Variants in ADAM12 observed in about 807,000 individuals in gnomAD.
The protein encoded by ADAM12 is disintegrin and metalloproteinase domain-containing protein 12.
A neutral mutation model predicts 106.4 loss-of-function variants in ADAM12; 70 were observed. That is an observed-to-expected ratio of 0.66 (90% CI 0.54 to 0.80). The LOEUF (loss-of-function observed/expected upper bound fraction) is 0.80, where lower values mean the gene tolerates loss of function less well. Among genes scored for constraint, ADAM12 ranks in the 30% least tolerant of loss-of-function variants. The probability of loss-of-function intolerance (pLI) is 0.00; values close to 1 mark genes in which losing one functional copy is unlikely to be tolerated. For synonymous variants in ADAM12, 420 were observed against 433.5 expected (o/e 0.97, Z 0.39); for missense variants, 1,010 against 1,171.9 (o/e 0.86, Z 2.02).
At chr10:126,264,882 C>T (rs11244923) in intron 3 of ADAM12, among the ~76,000 whole-genome samples, 5,681 of 152,212 alleles carry the variant, frequency 0.037, 195 homozygotes, top group African/African-American at 0.077. Flanking sequence ...CATCTACCTC[C>T]GTGCCAGATG....
At chr10:126,071,431 G>A (rs773186607) in intron 12 of ADAM12, 46 bp downstream of exon 12, 20 of 1,585,834 alleles carry the variant, frequency 1.3e-5, no homozygotes, top group South Asian at 3.4e-5. Flanking sequence ...TTGCCTAGCC[G>A]AGGATACAAG....
intron 1 of ADAM12, among the ~76,000 whole-genome samples, chr10:126,378,497 G>A (rs1490246482): frequency 6.6e-6 from 1 of 152,108 alleles, no homozygotes; most frequent in Non-Finnish European, 1.5e-5. Context: ...GTTGCAGAAG[G>A]TTGTCATATA....
chr10:126,285,007 CTG>C (rs1959782718), intron 2 of ADAM12, among the ~76,000 whole-genome samples: 1 of 152,178 alleles, frequency 6.6e-6, no homozygotes, highest in Non-Finnish European at 1.5e-5. Flanking sequence ...AGATTGGAGA[CTG>C]TGCAGGCCAA....
chr10:126,068,199 T>A lies in ADAM12; in HGVS notation c.1324-1393A>T, dbSNP rs548302696. On this transcript the variant is annotated intron_variant, in intron 12 of 22. Transcript: ENST00000448723. ...TCTAAAAGAGTTTAGGAACTTTTTT[T>A]AAAAAAAGTAGTCCATTAATTGCAT... Among the ~76,000 whole-genome samples the A allele has an allele frequency of 1.0e-3, 159 of 152,304 alleles. 2 individuals carry two copies. In the East Asian group the frequency reaches 0.018, roughly 18 times the overall value.
At chr10:126,241,895 T>G (rs1029547966) in intron 3 of ADAM12, among the ~76,000 whole-genome samples, 1 of 152,182 alleles carries the variant, frequency 6.6e-6, no homozygotes, top group African/African-American at 2.4e-5. Flanking sequence ...TAGTCCATTT[T>G]ATAAATGCTA....
At chr10:126,180,410 G>A (rs1218815281) in intron 3 of ADAM12, among the ~76,000 whole-genome samples, 3 of 152,126 alleles carry the variant, frequency 2.0e-5, no homozygotes, top group Non-Finnish European at 2.9e-5. Context: ...AGGTTGATTC[G>A]GTACTCACGT....
chr10:126,122,844 T>C (rs1388846799), intron 5 of ADAM12, among the ~76,000 whole-genome samples: 1 of 152,176 alleles, frequency 6.6e-6, no homozygotes, highest in African/African-American at 2.4e-5. Flanking sequence ...GGCAGTAACA[T>C]TTCATTTTGT....
At chr10:126,019,615 C>A in intron 22 of ADAM12, 80 bp downstream of exon 22, 1 of 1,547,882 alleles carries the variant, frequency 6.5e-7, no homozygotes, top group Admixed American at 1.8e-5. Context: ...CACTGCACCC[C>A]TGTCCTGGCT....
Position 126,321,613 on chromosome 10 carries a change from G to T in ADAM12, c.186+8799C>A, listed in dbSNP as rs1310199070. Among the ~76,000 whole-genome samples, 3 of 152,254 alleles carry T rather than the reference G, an allele frequency of 2.0e-5. No individual in the cohort carries two copies. In the East Asian group the frequency reaches 5.8e-4, roughly 29 times the overall value. ...TGAACAGGAAAGACCCTGGCAGGGA[G>T]TTGGGATGCAACAATCACATCTTGT... On this transcript the variant is annotated intron_variant, in intron 2 of 22. Transcript: ENST00000448723.
intron 1 of ADAM12, among the ~76,000 whole-genome samples, chr10:126,333,999 G>A (rs1177956670): frequency 6.6e-6 from 1 of 152,160 alleles, no homozygotes; most frequent in African/African-American, 2.4e-5. Flanking sequence ...TTCATTGGCT[G>A]CACAACAGCC....
At chr10:126,356,650 T>A (rs1351187584) in intron 1 of ADAM12, among the ~76,000 whole-genome samples, 1 of 152,008 alleles carries the variant, frequency 6.6e-6, no homozygotes, top group East Asian at 1.9e-4. Context: ...CCTACAGAAA[T>A]GGATATCTAT....
At chr10:126,375,830 C>T (rs886846212) in intron 1 of ADAM12, among the ~76,000 whole-genome samples, 3 of 151,230 alleles carry the variant, frequency 2.0e-5, no homozygotes, top group East Asian at 1.9e-4. Context: ...ACAGCAGCCT[C>T]GACCTCCTGG....
At chr10:126,165,044 G>T (rs939472871) in intron 3 of ADAM12, among the ~76,000 whole-genome samples, 1 of 152,148 alleles carries the variant, frequency 6.6e-6, no homozygotes, top group Non-Finnish European at 1.5e-5. Flanking sequence ...CATGGTCTGG[G>T]TTCTCATCTT....
intron 21 of ADAM12, among the ~76,000 whole-genome samples, chr10:126,025,246 CT>C (rs1590299233): frequency 6.6e-6 from 1 of 152,136 alleles, no homozygotes; most frequent in East Asian, 1.9e-4. Flanking sequence ...TAATAAAGAA[CT>C]TTGCTGAGCT....
chr10:126,178,616 GA>G (rs1313442085), intron 3 of ADAM12, among the ~76,000 whole-genome samples: 1 of 151,170 alleles, frequency 6.6e-6, no homozygotes, highest in Non-Finnish European at 1.5e-5. Context: ...GCTTCAGAGA[GA>G]AAAAAAATCA....
chr10:126,227,480 T>C (rs1459569805), intron 3 of ADAM12, among the ~76,000 whole-genome samples: 1 of 152,168 alleles, frequency 6.6e-6, no homozygotes, highest in Non-Finnish European at 1.5e-5. Context: ...CTCATTGATG[T>C]TCAAGTAGCA....
At chr10:126,384,945 T>C (rs184623177) in intron 1 of ADAM12, among the ~76,000 whole-genome samples, 1 of 152,334 alleles carries the variant, frequency 6.6e-6, no homozygotes. Context: ...TCACAAGTAG[T>C]AGGTTGTCAC....
intron 3 of ADAM12, among the ~76,000 whole-genome samples, chr10:126,191,882 A>G (rs1256342208): frequency 1.3e-5 from 2 of 152,224 alleles, no homozygotes; most frequent in Non-Finnish European, 2.9e-5. Context: ...CTGTACAGGA[A>G]GCATGGCTGG....
chr10:126,143,282 G>T (rs989106321), intron 4 of ADAM12, among the ~76,000 whole-genome samples: 6 of 128,312 alleles, frequency 4.7e-5, no homozygotes, highest in Non-Finnish European at 5.3e-5. Flanking sequence ...ATATGGGTAT[G>T]CATGTGTGTG....
Sources: gnomAD v4.1 joint callset for allele counts (sites outside exome capture counted in the v4.1 genomes callset) on GRCh38, gnomAD v4.1.1 for gene constraint, MANE v1.5 for transcripts, NCBI Gene and HGNC (gene_info 2026-07-23, HGNC 2026-07-21) for gene names.